PTPRD: variants seen among roughly 807,000 people sequenced by gnomAD.
The protein encoded by PTPRD is receptor-type tyrosine-protein phosphatase delta.
In PTPRD, 34 loss-of-function variants were observed where a neutral mutation model predicts 214.5. That is an observed-to-expected ratio of 0.16 (90% CI 0.12 to 0.21). The LOEUF (loss-of-function observed/expected upper bound fraction) is 0.21, where lower values mean the gene tolerates loss of function less well. Ranked by LOEUF, PTPRD falls within the 10% of genes least tolerant of loss-of-function variation. The pLI is 1.00. For synonymous variants in PTPRD, 1,128 were observed against 845.7 expected (o/e 1.33, Z -5.79); for missense variants, 2,545 against 2,398.7 (o/e 1.06, Z -1.27).
At chr9:10,445,458 GA>G (rs1171638042) in intron 2 of PTPRD, among the ~76,000 whole-genome samples, 14 of 152,064 alleles carry the variant, frequency 9.2e-5, no homozygotes, top group African/African-American at 3.4e-4. Flanking sequence ...CAACAGAAAT[GA>G]AAAGAAAGGA....
chr9:10,305,578 G>C (rs1043102998), intron 3 of PTPRD, among the ~76,000 whole-genome samples: 4 of 151,496 alleles, frequency 2.6e-5, no homozygotes, highest in African/African-American at 4.8e-5. Context: ...TTAAAAGAAA[G>C]AAAACAAACA....
At position 8,504,316 on chromosome 9, in the gene PTPRD, G is replaced by T. The variant is rs2137223930; in HGVS notation, c.1767C>A (p.Ser589=). 1.9e-6 allele frequency: 3 copies of T among 1,614,118 alleles called. No individual in the cohort carries two copies. In the South Asian group the frequency reaches 3.3e-5, roughly 18 times the overall value. Reference sequence around the variant, plus strand: ...CAGTAGAAGCACCCAGGCCTTGAGGGGAGCGTGCAGCCAGACGGAAATAGT... The same window carrying T: ...CAGTAGAAGCACCCAGGCCTTGAGGTGAGCGTGCAGCCAGACGGAAATAGT... The part of the protein sequence containing the change: ...SLYYFRLAAR[S]PQGLGASTAE... Residue 589 remains serine (S), a synonymous_variant, in exon 23 of 46, where the codon TCC becomes TCA. Coordinates refer to ENST00000381196, the MANE Select transcript of PTPRD (RefSeq NM_002839.4).
chr9:9,042,629 T>TGGTCTA (rs2099643991), intron 10 of PTPRD, among the ~76,000 whole-genome samples: 1 of 144,790 alleles, frequency 6.9e-6, no homozygotes, highest in Admixed American at 6.9e-5. Flanking sequence ...CTTTTTTTTT[T>TGGTCTA]TTTTTGGTCT....
intron 12 of PTPRD, among the ~76,000 whole-genome samples, chr9:8,655,101 T>TA (rs1331670788): frequency 6.6e-6 from 1 of 152,016 alleles, no homozygotes; most frequent in Non-Finnish European, 1.5e-5. Context: ...ATTAAATAGT[T>TA]AAAAAAATAG....
chr9:10,354,091 C>T (rs1312865511), intron 2 of PTPRD, among the ~76,000 whole-genome samples: 3 of 152,034 alleles, frequency 2.0e-5, no homozygotes, highest in Non-Finnish European at 2.9e-5. Flanking sequence ...ACATTATCCT[C>T]CTACCCTCTC....
chr9:8,561,005 G>C (rs2086050402), intron 14 of PTPRD, among the ~76,000 whole-genome samples: 1 of 151,744 alleles, frequency 6.6e-6, no homozygotes, highest in South Asian at 2.1e-4. Context: ...GATGGGGCAG[G>C]ATCCCCTTTT....
intron 7 of PTPRD, among the ~76,000 whole-genome samples, chr9:9,693,909 A>G (rs2097322378): frequency 1.3e-5 from 2 of 152,176 alleles, no homozygotes; most frequent in Admixed American, 6.5e-5. Context: ...CATCATGTCA[A>G]TTGCATATTT....
At chr9:9,952,368 G>A (rs371682168) in intron 4 of PTPRD, among the ~76,000 whole-genome samples, 1 of 152,164 alleles carries the variant, frequency 6.6e-6, no homozygotes, top group South Asian at 2.1e-4. Flanking sequence ...GCAACACGTG[G>A]TGCCTTGACC....
At chr9:10,470,140 A>G (rs2131662559) in intron 2 of PTPRD, among the ~76,000 whole-genome samples, 1 of 152,138 alleles carries the variant, frequency 6.6e-6, no homozygotes, top group East Asian at 1.9e-4. Context: ...ACACAAACAA[A>G]TGACAAATGT....
intron 3 of PTPRD, among the ~76,000 whole-genome samples, chr9:10,133,992 T>C (rs989174829): frequency 6.6e-6 from 1 of 152,142 alleles, no homozygotes; most frequent in Non-Finnish European, 1.5e-5. Context: ...AAAACTAGTA[T>C]GTAAAATGGG....
intron 5 of PTPRD, among the ~76,000 whole-genome samples, chr9:9,893,169 C>T (rs1476877349): frequency 1.3e-5 from 2 of 151,960 alleles, no homozygotes; most frequent in Non-Finnish European, 2.9e-5. Flanking sequence ...TTTATGGCTG[C>T]ACACACTAAA....
intron 10 of PTPRD, among the ~76,000 whole-genome samples, chr9:9,111,643 G>A (rs2099806205): frequency 6.6e-6 from 1 of 152,124 alleles, no homozygotes; most frequent in Admixed American, 6.6e-5. Flanking sequence ...TAACAGTTTT[G>A]CCCAAGGGTC....
rs183821340 is a variant in PTPRD at position 8,768,187 on chromosome 9, G to C, written c.-103-34241C>G. ...AGGCAGGAGGCTTGCTTGAGCCCAG[G>C]AGTTTGAAACCACCCTGGGCAACAT... On this transcript the variant is annotated intron_variant, in intron 11 of 45. Coordinates refer to ENST00000381196, the MANE Select transcript of PTPRD (RefSeq NM_002839.4). Among the ~76,000 whole-genome samples, 409 of 152,220 alleles carry C rather than the reference G, an allele frequency of 2.7e-3. 3 individuals carry two copies. The highest frequency in any genetic ancestry group is 9.0e-3 in the African/African-American group (373 of 41,526).
At chr9:9,003,913 T>G (rs1349431164) in intron 11 of PTPRD, among the ~76,000 whole-genome samples, 3 of 152,102 alleles carry the variant, frequency 2.0e-5, no homozygotes, top group African/African-American at 7.2e-5. Context: ...TTGTTGTCTT[T>G]TAAACAAATT....
chr9:9,859,046 T>TC (rs1402536136), intron 5 of PTPRD, among the ~76,000 whole-genome samples: 1 of 152,154 alleles, frequency 6.6e-6, no homozygotes, highest in Admixed American at 6.5e-5. Flanking sequence ...AGGGCAGTTT[T>TC]CCTCATGCTG....
intron 8 of PTPRD, among the ~76,000 whole-genome samples, chr9:9,479,222 C>CT (rs2095280475): frequency 1.1e-5 from 1 of 93,484 alleles, no homozygotes; most frequent in Non-Finnish European, 2.1e-5. Context: ...CACGCCCCCC[C>CT]CCCCCCCACA....
intron 5 of PTPRD, among the ~76,000 whole-genome samples, chr9:9,919,300 T>C (rs894867378): frequency 6.6e-6 from 1 of 152,112 alleles, no homozygotes; most frequent in Non-Finnish European, 1.5e-5. Context: ...GTCAATTCCA[T>C]TGAGCTGGGT....
At chr9:10,549,107 T>TATC (rs1459828319) in intron 2 of PTPRD, among the ~76,000 whole-genome samples, 2 of 152,308 alleles carry the variant, frequency 1.3e-5, no homozygotes, top group East Asian at 3.9e-4. Flanking sequence ...CACTTTGTCT[T>TATC]ATCAATATAT....
intron 11 of PTPRD, among the ~76,000 whole-genome samples, chr9:8,940,011 A>C (rs968699082): frequency 1.3e-5 from 2 of 151,866 alleles, no homozygotes; most frequent in Non-Finnish European, 2.9e-5. Context: ...GAATAGGTTC[A>C]AATATTATCA....
Sources: allele counts gnomAD v4.1 joint callset (sites outside exome capture counted in the v4.1 genomes callset), GRCh38; gene constraint gnomAD v4.1.1; transcripts MANE v1.5; gene names NCBI Gene and HGNC (gene_info 2026-07-23, HGNC 2026-07-21).